Variants in GABRG2 observed in about 807,000 individuals in gnomAD.
GABRG2 encodes the protein gamma-aminobutyric acid receptor subunit gamma-2.
A neutral mutation model predicts 56.4 loss-of-function variants in GABRG2; 16 were observed. The ratio of observed to expected loss-of-function variants is 0.28; its 90% CI spans 0.19 to 0.43. GABRG2 has a LOEUF of 0.43. Ranked by LOEUF, GABRG2 falls within the 20% of genes least tolerant of loss-of-function variation. GABRG2 has a pLI of 1.00. For missense variants in GABRG2, 327 were observed against 582.7 expected (o/e 0.56, Z 4.52); for synonymous variants, 208 against 205.5 (o/e 1.01, Z -0.10).
At chr5:162,092,503 A>G (rs1306396416) in intron 1 of GABRG2, among the ~76,000 whole-genome samples, 1 of 152,184 alleles carries the variant, frequency 6.6e-6, no homozygotes, top group African/African-American at 2.4e-5. Flanking sequence ...TTACATAATC[A>G]TCTTCTGCAA....
At chr5:162,145,122 AAC>A (rs1764860312) in intron 7 of GABRG2, among the ~76,000 whole-genome samples, 3 of 152,150 alleles carry the variant, frequency 2.0e-5, no homozygotes, top group Admixed American at 2.0e-4. Context: ...CTTGCCACGG[AAC>A]AGTTAGGCCA....
chr5:162,080,819 A>G (rs1163814311), intron 1 of GABRG2, among the ~76,000 whole-genome samples: 1 of 152,154 alleles, frequency 6.6e-6, no homozygotes, highest in Non-Finnish European at 1.5e-5. Context: ...AGCGAGACCA[A>G]GAACCAGTTA....
At chr5:162,132,933 G>A (rs1460716095) in intron 6 of GABRG2, among the ~76,000 whole-genome samples, 1 of 151,976 alleles carries the variant, frequency 6.6e-6, no homozygotes, top group Non-Finnish European at 1.5e-5. Context: ...CTGTTGGTAT[G>A]TAATTAGTCT....
rs762058667 is a variant in GABRG2, at chr5:162,068,035, A to G, written c.36A>G (p.Ser12=). The change falls in exon 1 of 10, where the codon TCA becomes TCG. Residue 12 remains serine (S), a synonymous_variant. Coordinates refer to ENST00000639213, the MANE Select transcript of GABRG2 (RefSeq NM_198904.4). ...SSPNIWSTGS[S]VYSTPVFSQK... ...CAAATATATGGAGCACAGGAAGCTC[A>G]GTCTACTCGACTCCTGTATTTTCAC... 6.2e-7 allele frequency: 1 copy of G among 1,612,908 alleles called. No homozygotes were observed. Among genetic ancestry groups the G allele is most frequent in the Non-Finnish European group, 8.5e-7 (1 of 1,179,694 alleles).
chr5:162,091,200 A>G (rs1561640881), intron 1 of GABRG2, among the ~76,000 whole-genome samples: 1 of 152,048 alleles, frequency 6.6e-6, no homozygotes, highest in Non-Finnish European at 1.5e-5. Flanking sequence ...AAAGTCTTGA[A>G]GCAGCATACA....
At chr5:162,140,416 T>C (rs1052999264) in intron 6 of GABRG2, among the ~76,000 whole-genome samples, 1 of 152,186 alleles carries the variant, frequency 6.6e-6, no homozygotes, top group African/African-American at 2.4e-5. Flanking sequence ...ATAAAGGCCT[T>C]TCTATTTCAG....
chr5:162,097,307 G>A (rs1259499069), intron 3 of GABRG2, among the ~76,000 whole-genome samples: 1 of 152,098 alleles, frequency 6.6e-6, no homozygotes, highest in Non-Finnish European at 1.5e-5. Context: ...CACAATGCCC[G>A]GGACAGCCCT....
intron 9 of GABRG2, chr5:162,152,240 C>T (rs931656154): frequency 5.5e-6 from 1 of 181,652 alleles, no homozygotes; most frequent in Non-Finnish European, 1.2e-5. Context: ...TTAAAATATC[C>T]ATTCCTTATT....
At position 162,107,403 on chromosome 5, in the gene GABRG2, G is replaced by A. The variant is rs1228196377; in HGVS notation, c.769+3377G>A. Reference sequence around the variant, plus strand: ...CTTTGAATATGTTGAAAAAGAGAGAGAGAGAAAAGGATATTAGAGCTTGAG... The same window carrying A: ...CTTTGAATATGTTGAAAAAGAGAGAAAGAGAAAAGGATATTAGAGCTTGAG... On this transcript the variant is annotated intron_variant, in intron 6 of 9. Transcript: ENST00000639213. Among the ~76,000 whole-genome samples, 8 of 152,138 alleles carry A rather than the reference G, an allele frequency of 5.3e-5. No individual in the cohort carries two copies. The East Asian group carries it at 1.5e-3, about 29-fold the overall frequency.
intron 1 of GABRG2, among the ~76,000 whole-genome samples, chr5:162,069,567 A>T (rs2113095960): frequency 6.6e-6 from 1 of 152,320 alleles, no homozygotes; most frequent in Admixed American, 6.5e-5. Flanking sequence ...CAAAACAAAG[A>T]GTGAAAGCCT....
chr5:162,076,205 T>C (rs1430558643), intron 1 of GABRG2, among the ~76,000 whole-genome samples: 4 of 152,124 alleles, frequency 2.6e-5, no homozygotes, highest in African/African-American at 9.7e-5. Flanking sequence ...TAGGAATTGA[T>C]ATAATACATA....
chr5:162,105,254 A>G (rs1032874678), intron 6 of GABRG2, among the ~76,000 whole-genome samples: 3 of 152,134 alleles, frequency 2.0e-5, no homozygotes, highest in Non-Finnish European at 1.5e-5. Flanking sequence ...CCTTCAAATC[A>G]AAGAATTATC....
At chr5:162,089,272 A>G (rs938784754) in intron 1 of GABRG2, among the ~76,000 whole-genome samples, 1 of 152,110 alleles carries the variant, frequency 6.6e-6, no homozygotes. Context: ...TGTACGGAAC[A>G]AGAAATTCCT....
chr5:162,083,773 G>T (rs1197625842), intron 1 of GABRG2, among the ~76,000 whole-genome samples: 1 of 151,700 alleles, frequency 6.6e-6, no homozygotes, highest in Non-Finnish European at 1.5e-5. Context: ...TTTCAAAAAA[G>T]AGTCTCAAAT....
At position 162,086,959 on chromosome 5, in the gene GABRG2, T is replaced by A. The variant is rs1232793613; in HGVS notation, c.108-6869T>A. Among the ~76,000 whole-genome samples the A allele has an allele frequency of 2.6e-5, 4 of 152,038 alleles. No homozygotes were observed. The East Asian group carries it at 5.8e-4, about 22-fold the overall frequency. ...TGCATTTTCTTTTGGAAATAATCAA[T>A]AGATTAAATTTCTGGGTTATAGAGT... On this transcript the variant is annotated intron_variant, in intron 1 of 9. Coordinates refer to ENST00000639213, the MANE Select transcript of GABRG2 (RefSeq NM_198904.4).
Position 162,149,186 on chromosome 5 carries a change from C to G in GABRG2, c.1001C>G (p.Ala334Gly). 1 of 1,614,136 alleles carries G rather than the reference C, an allele frequency of 6.2e-7. No homozygotes were observed. Among genetic ancestry groups the G allele is most frequent in the Non-Finnish European group, 8.5e-7 (1 of 1,180,014 alleles). ...CTCCCCAAGGTCTCCTATGTCACAG[C>G]GATGGATCTCTTTGTATCTGTTTGT... ...KSLPKVSYVT[A>G]MDLFVSVCFI... The change falls in exon 8 of 10, where the codon GCG becomes GGG. Residue 334 changes from alanine (A) to glycine (G), a missense_variant. By Grantham distance (60) the Ala-to-Gly change is moderately conservative. Coordinates refer to ENST00000639213, the MANE Select transcript of GABRG2 (RefSeq NM_198904.4).
intron 1 of GABRG2, among the ~76,000 whole-genome samples, chr5:162,068,628 C>T (rs1758418763): frequency 6.6e-6 from 1 of 152,090 alleles, no homozygotes; most frequent in Non-Finnish European, 1.5e-5. Context: ...CCAGGTTTTG[C>T]ATCCAGTCCC....
chr5:162,101,192 T>G, intron 4 of GABRG2, 43 bp from the exon 5 acceptor site: 1 of 1,289,026 alleles, frequency 7.8e-7, no homozygotes. Context: ...CAATTTAAAA[T>G]TATGTCTAAA....
Position 162,077,125 on chromosome 5 carries a change from A to T in GABRG2, c.107+9019A>T, listed in dbSNP as rs557761216. On this transcript the variant is annotated intron_variant, in intron 1 of 9. Coordinates refer to ENST00000639213, the MANE Select transcript of GABRG2 (RefSeq NM_198904.4). ...TGTGTGTGTGTGATGTTTCTATCAC[A>T]TCAGTATGTTTTATTGTGCTTCTTT... Among the ~76,000 whole-genome samples the T allele has an allele frequency of 1.4e-3, 208 of 148,608 alleles. 3 individuals carry two copies. Among genetic ancestry groups the T allele is most frequent in the African/African-American group, 5.2e-3 (204 of 39,308 alleles).
Sources: gnomAD v4.1 joint callset for allele counts (sites outside exome capture counted in the v4.1 genomes callset) on GRCh38, gnomAD v4.1.1 for gene constraint, MANE v1.5 for transcripts, NCBI Gene and HGNC (gene_info 2026-07-23, HGNC 2026-07-21) for gene names.